MECOM: variants seen among roughly 807,000 people sequenced by gnomAD.
The protein encoded by MECOM is histone-lysine N-methyltransferase MECOM.
A neutral mutation model predicts 116.3 loss-of-function variants in MECOM; 13 were observed. That is an observed-to-expected ratio of 0.11 (90% CI 0.07 to 0.18). MECOM has a LOEUF of 0.18. MECOM is among the 10% of genes least tolerant of loss of function. The pLI is 1.00. For missense variants in MECOM, 1,299 were observed against 1,509.0 expected (o/e 0.86, Z 2.31); for synonymous variants, 528 against 535.2 (o/e 0.99, Z 0.19).
chr3:169,625,110 A>G (rs1371170230), intron 1 of MECOM, among the ~76,000 whole-genome samples: 1 of 151,964 alleles, frequency 6.6e-6, no homozygotes, highest in East Asian at 1.9e-4. Context: ...TGGTTTTTTC[A>G]TGGCTGTGAT....
intron 1 of MECOM, among the ~76,000 whole-genome samples, chr3:169,592,163 T>A (rs1200917634): frequency 6.6e-6 from 1 of 152,056 alleles, no homozygotes; most frequent in East Asian, 1.9e-4. Context: ...CAAACCCAAA[T>A]AATTCCCAAA....
At chr3:169,147,715 GGTGTGT>G (rs10659980) in intron 2 of MECOM, 4 of 953,888 alleles carry the variant, frequency 4.2e-6, no homozygotes, top group Non-Finnish European at 5.0e-6. Flanking sequence ...GCACAAGTGT[GGTGTGT>G]GTGTGTGTGT....
intron 1 of MECOM, among the ~76,000 whole-genome samples, chr3:169,458,596 A>G (rs930321167): frequency 1.3e-5 from 2 of 152,170 alleles, no homozygotes; most frequent in Non-Finnish European, 2.9e-5. Flanking sequence ...CACATTTAGA[A>G]ATGGTTGCCT....
At chr3:169,431,305 C>G (rs1741583742) in intron 1 of MECOM, among the ~76,000 whole-genome samples, 2 of 152,128 alleles carry the variant, frequency 1.3e-5, no homozygotes. Flanking sequence ...CTTGGAAACT[C>G]AAGCTTGTGG....
At chr3:169,261,361 AAATTAGCCAC>A (rs1757514187) in intron 2 of MECOM, among the ~76,000 whole-genome samples, 1 of 152,158 alleles carries the variant, frequency 6.6e-6, no homozygotes, top group African/African-American at 2.4e-5. Context: ...AGTTCTGTAT[AAATTAGCCAC>A]AATTATCTTT....
chr3:169,479,724 G>A (rs957771177), intron 1 of MECOM, among the ~76,000 whole-genome samples: 1 of 150,244 alleles, frequency 6.7e-6, no homozygotes. Flanking sequence ...CACATTTGGT[G>A]ATATAACCAC....
At chr3:169,567,734 G>A (rs1396924136) in intron 1 of MECOM, among the ~76,000 whole-genome samples, 1 of 151,984 alleles carries the variant, frequency 6.6e-6, no homozygotes, top group Non-Finnish European at 1.5e-5. Flanking sequence ...GTCACCAGTT[G>A]GTCTTGTTTT....
chr3:169,419,507 ACAGTAAC>A (rs1411423707), intron 1 of MECOM, among the ~76,000 whole-genome samples: 3 of 152,206 alleles, frequency 2.0e-5, no homozygotes, highest in Non-Finnish European at 4.4e-5. Flanking sequence ...CTACAAGGCT[ACAGTAAC>A]CAAATCAGCA....
At chr3:169,260,759 A>G (rs952824574) in intron 2 of MECOM, among the ~76,000 whole-genome samples, 1 of 152,206 alleles carries the variant, frequency 6.6e-6, no homozygotes, top group Non-Finnish European at 1.5e-5. Context: ...TTGGGTCAAT[A>G]TAGGAGCTTC....
chr3:169,538,836 G>A (rs938016161), intron 1 of MECOM, among the ~76,000 whole-genome samples: 2 of 152,120 alleles, frequency 1.3e-5, no homozygotes, highest in Non-Finnish European at 2.9e-5. Flanking sequence ...CCCACCAAAA[G>A]AGCCCTATTC....
At chr3:169,096,688 T>C (rs956959653) in intron 12 of MECOM, among the ~76,000 whole-genome samples, 10 of 152,184 alleles carry the variant, frequency 6.6e-5, no homozygotes, top group African/African-American at 2.4e-4. Flanking sequence ...GTGGTTCAAG[T>C]GCTCTAAAGC....
chr3:169,087,321 C>A (rs998475477), intron 16 of MECOM, among the ~76,000 whole-genome samples: 5 of 152,066 alleles, frequency 3.3e-5, no homozygotes, highest in Non-Finnish European at 7.4e-5. Context: ...TGGCCAGGTG[C>A]AATGGGTCAC....
At chr3:169,403,292 G>T (rs2108406955) in intron 1 of MECOM, among the ~76,000 whole-genome samples, 1 of 152,200 alleles carries the variant, frequency 6.6e-6, no homozygotes. Flanking sequence ...TTTTCTTGAT[G>T]GAAAAAATAT....
chr3:169,431,347 G>T (rs1341093702), intron 1 of MECOM, among the ~76,000 whole-genome samples: 1 of 152,194 alleles, frequency 6.6e-6, no homozygotes, highest in Non-Finnish European at 1.5e-5. Flanking sequence ...TGGTTACTAA[G>T]AGGCTGCGAT....
chr3:169,539,572 C>A (rs918518091), intron 1 of MECOM, among the ~76,000 whole-genome samples: 1 of 152,332 alleles, frequency 6.6e-6, no homozygotes, highest in Non-Finnish European at 1.5e-5. Flanking sequence ...TCACCAAGAA[C>A]TTTGTACCCT....
intron 1 of MECOM, among the ~76,000 whole-genome samples, chr3:169,477,443 A>G (rs1033239633): frequency 6.6e-6 from 1 of 151,904 alleles, no homozygotes; most frequent in African/African-American, 2.4e-5. Flanking sequence ...ATAAAAGAGA[A>G]TTTTTTTCTG....
At chr3:169,291,320 G>C (rs1714511273) in intron 2 of MECOM, among the ~76,000 whole-genome samples, 2 of 151,986 alleles carry the variant, frequency 1.3e-5, no homozygotes, top group Non-Finnish European at 2.9e-5. Context: ...TGAGTTCCTG[G>C]GAAAATTAGT....
At chr3:169,624,671 A>T (rs1771139517) in intron 1 of MECOM, among the ~76,000 whole-genome samples, 1 of 152,204 alleles carries the variant, frequency 6.6e-6, no homozygotes, top group Non-Finnish European at 1.5e-5. Context: ...CATTTAGAAA[A>T]GAGGCTCTTC....
intron 2 of MECOM, among the ~76,000 whole-genome samples, chr3:169,300,625 C>A (rs1467283361): frequency 6.6e-6 from 1 of 152,168 alleles, no homozygotes; most frequent in Non-Finnish European, 1.5e-5. Flanking sequence ...CCTCATGTAC[C>A]TTCTAAGTGT....
Sources: allele counts gnomAD v4.1 joint callset (sites outside exome capture counted in the v4.1 genomes callset), GRCh38; gene constraint gnomAD v4.1.1; transcripts MANE v1.5; gene names NCBI Gene and HGNC (gene_info 2026-07-23, HGNC 2026-07-21).